The following HCK variants were observed in gnomAD, a reference collection of about 807,000 sequenced individuals.
HCK encodes the protein tyrosine-protein kinase HCK.
In HCK, 40 loss-of-function variants were observed where a neutral mutation model predicts 70.4. That is an observed-to-expected ratio of 0.57 (90% CI 0.44 to 0.74). The LOEUF (loss-of-function observed/expected upper bound fraction) is 0.74, where lower values mean the gene tolerates loss of function less well. HCK is among the 30% of genes least tolerant of loss of function. HCK has a pLI of 0.00. For missense variants in HCK, 568 were observed against 697.2 expected, an observed-to-expected ratio of 0.81 and a Z score of 2.09; for synonymous variants, 245 against 263.2, an observed-to-expected ratio of 0.93 and a Z score of 0.67.
Position 32,074,615 on chromosome 20 carries a change from T to A in HCK, c.330-8T>A. The A allele has an allele frequency of 6.3e-7, 1 of 1,598,264 alleles. No individual in the cohort carries two copies. The highest frequency in any genetic ancestry group is 8.6e-7 in the Non-Finnish European group (1 of 1,165,620). On this transcript the variant is annotated splice_region_variant and splice_polypyrimidine_tract_variant and intron_variant, in intron 4 of 12. Transcript: ENST00000375852. Reference sequence around the variant, plus strand: ...TCCCTAACACCTTTACTCCCTCATGTCCCTCAGATCCGGGGAGTGGTGGAA... The same window carrying A: ...TCCCTAACACCTTTACTCCCTCATGACCCTCAGATCCGGGGAGTGGTGGAA...
intron 1 of HCK, among the ~76,000 whole-genome samples, chr20:32,068,764 CCT>C (rs1036562358): frequency 5.3e-5 from 8 of 151,806 alleles, no homozygotes; most frequent in African/African-American, 1.9e-4. Flanking sequence ...CTCTCTGCCC[CCT>C]GTCTCTACAG....
chr20:32,058,603 A>AG (rs1464341511), intron 1 of HCK, among the ~76,000 whole-genome samples: 6 of 42,316 alleles, frequency 1.4e-4, no homozygotes, highest in Non-Finnish European at 1.7e-4. Context: ...CTTTTATGTC[A>AG]AAACACACAC....
chr20:32,083,236 A>G (rs983345983), intron 6 of HCK, among the ~76,000 whole-genome samples: 1 of 152,152 alleles, frequency 6.6e-6, no homozygotes, highest in Non-Finnish European at 1.5e-5. Context: ...CATCTGGAAT[A>G]ATCTCCCCGT....
chr20:32,079,258 C>T (rs779862834), intron 5 of HCK, among the ~76,000 whole-genome samples: 46 of 152,136 alleles, frequency 3.0e-4, no homozygotes, highest in Middle Eastern at 3.2e-3. Context: ...TCCATATATG[C>T]GGAGGAGGAT....
chr20:32,083,850 C>G, intron 6 of HCK, 44 bp from the exon 7 acceptor site: 1 of 1,611,164 alleles, frequency 6.2e-7, no homozygotes, highest in Middle Eastern at 1.8e-4. Context: ...AGGTGGCAGG[C>G]CTCCAAGATG....
chr20:32,052,924 G>A (rs1030905710), intron 1 of HCK, among the ~76,000 whole-genome samples: 2 of 152,092 alleles, frequency 1.3e-5, no homozygotes, highest in African/African-American at 4.8e-5. Flanking sequence ...GCTTGGGGAA[G>A]GGGGTAGTTG....
At chr20:32,057,713 T>C (rs901073306) in intron 1 of HCK, among the ~76,000 whole-genome samples, 2 of 152,188 alleles carry the variant, frequency 1.3e-5, no homozygotes, top group Non-Finnish European at 2.9e-5. Context: ...TTACATCTTT[T>C]TGTTGTTGTT....
chr20:32,089,889 A>C (rs1427843912), intron 10 of HCK, among the ~76,000 whole-genome samples: 1 of 152,256 alleles, frequency 6.6e-6, no homozygotes, highest in East Asian at 1.9e-4. Context: ...TTTTAGACAA[A>C]AGAAACAGCC....
At chr20:32,059,895 A>G (rs569355320) in intron 1 of HCK, among the ~76,000 whole-genome samples, 1 of 152,334 alleles carries the variant, frequency 6.6e-6, no homozygotes, top group Admixed American at 6.5e-5. Flanking sequence ...AATAAAATAC[A>G]TACCCTTCAA....
chr20:32,068,025 A>G (rs2045485001), intron 1 of HCK, among the ~76,000 whole-genome samples: 1 of 152,210 alleles, frequency 6.6e-6, no homozygotes, highest in Non-Finnish European at 1.5e-5. Context: ...GGCCAGGCGC[A>G]GTGGCTCACA....
At chr20:32,075,857 T>G (rs2045616275) in intron 5 of HCK, among the ~76,000 whole-genome samples, 1 of 152,202 alleles carries the variant, frequency 6.6e-6, no homozygotes, top group Admixed American at 6.5e-5. Flanking sequence ...AAAAGATGAC[T>G]ACATTGTGGG....
chr20:32,057,483 C>G (rs1404147585), intron 1 of HCK, among the ~76,000 whole-genome samples: 1 of 152,098 alleles, frequency 6.6e-6, no homozygotes, highest in Non-Finnish European at 1.5e-5. Flanking sequence ...GGCTGTAGTA[C>G]CAGCTACTCA....
rs1027530948 is a variant in HCK, at chr20:32,079,580, A to G, written c.429-194A>G. Among the ~76,000 whole-genome samples, 6 of 152,220 alleles carry G rather than the reference A, an allele frequency of 3.9e-5. No individual in the cohort carries two copies. In the East Asian group the frequency reaches 7.7e-4, roughly 20 times the overall value. On this transcript the variant is annotated intron_variant, in intron 5 of 12. Transcript: ENST00000375852. The stretch of plus-strand genomic sequence containing the variant: ...AGGATTCACTTCGGGTAAAATGTCT[A>G]TTTTGATATCAAAAGAATGGCTCCT...
At chr20:32,091,019 C>T (rs1348415953) in intron 10 of HCK, among the ~76,000 whole-genome samples, 1 of 152,188 alleles carries the variant, frequency 6.6e-6, no homozygotes, top group Non-Finnish European at 1.5e-5. Flanking sequence ...CCCCTTGGAA[C>T]CAGGTGCTAT....
At chr20:32,086,329 T>C (rs1480360916) in intron 8 of HCK, among the ~76,000 whole-genome samples, 2 of 152,336 alleles carry the variant, frequency 1.3e-5, no homozygotes, top group Admixed American at 6.5e-5. Context: ...TTTAAATCCT[T>C]GCAACAGCAC....
intron 11 of HCK, among the ~76,000 whole-genome samples, chr20:32,095,070 T>C (rs561256943): frequency 6.6e-6 from 1 of 152,346 alleles, no homozygotes; most frequent in African/African-American, 2.4e-5. Flanking sequence ...TTAATGTCCA[T>C]CAATTGATGA....
chr20:32,085,381 G>A (rs1167585108), intron 8 of HCK, among the ~76,000 whole-genome samples: 1 of 152,082 alleles, frequency 6.6e-6, no homozygotes, highest in East Asian at 1.9e-4. Flanking sequence ...AGGCGTGGTG[G>A]TGGGAGCCTG....
intron 3 of HCK, among the ~76,000 whole-genome samples, 171 bp from the exon 4 acceptor site, chr20:32,073,545 A>T (rs1263555293): frequency 3.3e-5 from 5 of 152,228 alleles, no homozygotes; most frequent in Non-Finnish European, 5.9e-5. Context: ...ACATGAACAA[A>T]ACATATTTAG....
At chr20:32,100,162 C>A (rs2046014512) in intron 12 of HCK, among the ~76,000 whole-genome samples, 1 of 152,200 alleles carries the variant, frequency 6.6e-6, no homozygotes, top group South Asian at 2.1e-4. Context: ...CCAGCCTTGG[C>A]CTCCCAAAAT....
Sources: gnomAD v4.1 joint callset for allele counts (sites outside exome capture counted in the v4.1 genomes callset) on GRCh38, gnomAD v4.1.1 for gene constraint, MANE v1.5 for transcripts, NCBI Gene and HGNC (gene_info 2026-07-23, HGNC 2026-07-21) for gene names.